Variants in USP53 observed in about 807,000 individuals in gnomAD.
USP53 encodes the protein ubiquitin specific peptidase 53, also known as ubiquitin carboxyl-terminal hydrolase 53.
Under a neutral mutation model 94.9 loss-of-function variants are expected in USP53, and 71 were observed. That is an observed-to-expected ratio of 0.75 (90% CI 0.62 to 0.91). The LOEUF is 0.91. USP53 is among the 40% of genes least tolerant of loss of function. The pLI, the probability that USP53 is intolerant of heterozygous loss-of-function variation, is 0.00. For missense variants in USP53, 1,173 were observed against 1,281.0 expected (o/e 0.92, Z 1.29); for synonymous variants, 375 against 422.7 (o/e 0.89, Z 1.39).
chr4:119,234,008 C>CT (rs1185017264), intron 3 of USP53, among the ~76,000 whole-genome samples: 1 of 152,128 alleles, frequency 6.6e-6, no homozygotes, highest in African/African-American at 2.4e-5. Flanking sequence ...CCAGGACCTG[C>CT]TATCCTTATT....
chr4:119,222,388 C>T (rs778788851), intron 3 of USP53, among the ~76,000 whole-genome samples: 8 of 152,162 alleles, frequency 5.3e-5, no homozygotes, highest in Admixed American at 3.3e-4. Flanking sequence ...CTACTGAACA[C>T]GAGAACTTAT....
At chr4:119,290,748 A>C (rs1159237863) in intron 17 of USP53, among the ~76,000 whole-genome samples, 1 of 152,186 alleles carries the variant, frequency 6.6e-6, no homozygotes, top group Non-Finnish European at 1.5e-5. Context: ...TGAGATTTTA[A>C]GAGGTTAAAA....
At chr4:119,234,397 G>A (rs554011859) in intron 3 of USP53, among the ~76,000 whole-genome samples, 2 of 152,272 alleles carry the variant, frequency 1.3e-5, no homozygotes, top group African/African-American at 4.8e-5. Context: ...TGAGATGGAG[G>A]GAGGGAAGCA....
At position 119,271,842 on chromosome 4, in the gene USP53, A is replaced by G. The variant is rs1395066544; in HGVS notation, c.1982A>G (p.Lys661Arg). The G allele has an allele frequency of 2.5e-6, 4 of 1,613,270 alleles. No individual in the cohort carries two copies. The highest frequency in any genetic ancestry group is 3.4e-6 in the Non-Finnish European group (4 of 1,179,872). Reference protein sequence around the residue: ...GSRSSLESNGKGAEKNKGLVE... With the variant: ...GSRSSLESNGRGAEKNKGLVE... ...AGAAGTTCCCTTGAATCTAATGGAAAAGGAGCAGAGAAAAATAAAGGCCTT... is the reference window on the plus strand; with the variant it reads ...AGAAGTTCCCTTGAATCTAATGGAAGAGGAGCAGAGAAAAATAAAGGCCTT... The change falls in exon 16 of 19, where the codon AAA becomes AGA. Residue 661 changes from lysine (K) to arginine (R), a missense_variant. Coordinates refer to ENST00000692078, the MANE Select transcript of USP53 (RefSeq NM_001371395.1).
At chr4:119,287,341 T>A (rs1754223921) in intron 17 of USP53, among the ~76,000 whole-genome samples, 1 of 152,110 alleles carries the variant, frequency 6.6e-6, no homozygotes, top group South Asian at 2.1e-4. Flanking sequence ...ATTTACTATA[T>A]GGAGCGATGT....
chr4:119,254,088 C>T lies in USP53; in HGVS notation c.373-2158C>T, dbSNP rs188537777. On this transcript the variant is annotated intron_variant, in intron 7 of 18. Transcript: ENST00000692078. ...TGTAGAGTTTCTGCAGAGAAATCCA[C>T]CGTTAGTCTGATGGGCTTCTCTTTG... Among the ~76,000 whole-genome samples, 57 of 152,320 alleles carry T rather than the reference C, an allele frequency of 3.7e-4. No homozygotes were observed. The East Asian group carries it at 9.8e-3, about 26-fold the overall frequency.
At chr4:119,237,404 C>T (rs1452207326) in intron 4 of USP53, among the ~76,000 whole-genome samples, 1 of 152,158 alleles carries the variant, frequency 6.6e-6, no homozygotes, top group Non-Finnish European at 1.5e-5. Flanking sequence ...GCCCGTCACG[C>T]AATGCATGTT....
chr4:119,272,993 A>G (rs1010980947), intron 16 of USP53: 22 of 152,170 alleles, frequency 1.4e-4, no homozygotes, highest in African/African-American at 5.3e-4. Context: ...ATGTTTTATG[A>G]AAATGCTTGT....
In USP53 at chr4:119,271,546, C is replaced by T. The variant is rs1751864626; in HGVS notation, c.1686C>T (p.Ser562=). Residue 562 remains serine (S), a synonymous_variant, in exon 16 of 19, where the codon AGC becomes AGT. Coordinates refer to ENST00000692078, the MANE Select transcript of USP53 (RefSeq NM_001371395.1). ...ATGGCACTGGATATGACACAGACAG[C>T]AGCCAAGATTCTAGGGATAGAGGAA... ...SDNGTGYDTD[S]SQDSRDRGNS... 5.6e-6 allele frequency: 9 copies of T among 1,613,688 alleles called. No individual in the cohort carries two copies. Among genetic ancestry groups the T allele is most frequent in the Non-Finnish European group, 7.6e-6 (9 of 1,180,010 alleles).
At chr4:119,218,121 G>C (rs1410713127) in intron 3 of USP53, 1 of 152,168 alleles carries the variant, frequency 6.6e-6, no homozygotes, top group African/African-American at 2.4e-5. Flanking sequence ...GTGGTGAAAA[G>C]TGGTCAGATC....
chr4:119,227,300 A>ACACACACACACACACACACACACACAC (rs1442892298), intron 3 of USP53, among the ~76,000 whole-genome samples: 11 of 43,898 alleles, frequency 2.5e-4, no homozygotes, highest in African/African-American at 6.4e-4. Flanking sequence ...CACACACACA[A>ACACACACACACACACACACACACACAC]ACTTGAAATG....
At chr4:119,271,226 G>T in intron 15 of USP53, 70 bp from the exon 16 acceptor site, 1 of 1,498,574 alleles carries the variant, frequency 6.7e-7, no homozygotes, top group South Asian at 1.5e-5. Context: ...TCTCTAACAG[G>T]TATTTGCCTT....
chr4:119,223,029 A>T (rs1744759928), intron 3 of USP53, among the ~76,000 whole-genome samples: 1 of 152,200 alleles, frequency 6.6e-6, no homozygotes, highest in African/African-American at 2.4e-5. Context: ...GTAAATCTGA[A>T]TTTTCACTGT....
In USP53 at chr4:119,268,258, T is replaced by G. The variant is rs759096232; in HGVS notation, c.1136-10T>G. 1.9e-6 allele frequency: 3 copies of G among 1,593,536 alleles called. No homozygotes were observed. The highest frequency in any genetic ancestry group is 2.6e-6 in the Non-Finnish European group (3 of 1,172,016). ...GAAAGGAATGATACATTTTTGCTTC[T>G]CTTTTTAAGGATGTGAAAAGCCTGT... On this transcript the variant is annotated splice_polypyrimidine_tract_variant and intron_variant, in intron 13 of 18. Coordinates refer to ENST00000692078, the MANE Select transcript of USP53 (RefSeq NM_001371395.1).
At chr4:119,280,158 A>G (rs1753336020) in intron 17 of USP53, among the ~76,000 whole-genome samples, 1 of 151,058 alleles carries the variant, frequency 6.6e-6, no homozygotes, top group African/African-American at 2.4e-5. Context: ...TGCTGTTTGG[A>G]TATGTCTCTT....
chr4:119,248,907 G>C (rs2149350478), intron 7 of USP53, 25 bp downstream of exon 7: 1 of 1,613,158 alleles, frequency 6.2e-7, no homozygotes, highest in Non-Finnish European at 8.5e-7. Context: ...TATTCCTTAA[G>C]AAGTCAGGAT....
chr4:119,262,570 T>C lies in USP53; in HGVS notation c.972+706T>C, dbSNP rs114663754. Among the ~76,000 whole-genome samples, 894 of 152,264 alleles carry C rather than the reference T, an allele frequency of 5.9e-3. 11 individuals carry two copies. The highest frequency in any genetic ancestry group is 0.02 in the African/African-American group (850 of 41,546). ...AAATTATAAGCAAAAGAAAATATAT[T>C]TACCACTCACTAAGTGGAAATGGAT... On this transcript the variant is annotated intron_variant, in intron 12 of 18. Coordinates refer to ENST00000692078, the MANE Select transcript of USP53 (RefSeq NM_001371395.1).
At chr4:119,283,797 C>G (rs577772732) in intron 17 of USP53, among the ~76,000 whole-genome samples, 1 of 151,890 alleles carries the variant, frequency 6.6e-6, no homozygotes, top group East Asian at 1.9e-4. Context: ...AGTTTATCAT[C>G]TAGGTAAACA....
chr4:119,281,313 G>A (rs1753487480), intron 17 of USP53, among the ~76,000 whole-genome samples: 1 of 152,144 alleles, frequency 6.6e-6, no homozygotes, highest in African/African-American at 2.4e-5. Flanking sequence ...ATAATTCAGA[G>A]GAGTAGAAGG....
Sources: gnomAD v4.1 joint callset for allele counts (sites outside exome capture counted in the v4.1 genomes callset) on GRCh38, gnomAD v4.1.1 for gene constraint, MANE v1.5 for transcripts, NCBI Gene and HGNC (gene_info 2026-07-23, HGNC 2026-07-21) for gene names.